The following DOCK10 variants were observed in gnomAD, a reference collection of about 807,000 sequenced individuals.
DOCK10 encodes dedicator of cytokinesis protein 10.
A neutral mutation model predicts 280.1 loss-of-function variants in DOCK10; 145 were observed. The ratio of observed to expected loss-of-function variants is 0.52; its 90% CI spans 0.45 to 0.59. The LOEUF is 0.59. DOCK10 is among the 20% of genes least tolerant of loss of function. The pLI is 0.00. For missense variants in DOCK10, 2,368 were observed against 2,651.7 expected, an observed-to-expected ratio of 0.89 and a Z score of 2.35; for synonymous variants, 915 against 942.2, an observed-to-expected ratio of 0.97 and a Z score of 0.53.
chr2:224,851,445 T>A (rs913470982), intron 18 of DOCK10, among the ~76,000 whole-genome samples: 107 of 129,886 alleles, frequency 8.2e-4, no homozygotes, highest in Non-Finnish European at 1.1e-3. Context: ...GCTCAAGACC[T>A]TCTTTTTTTT....
At chr2:224,850,496 G>A (rs919328520) in intron 18 of DOCK10, among the ~76,000 whole-genome samples, 1 of 152,094 alleles carries the variant, frequency 6.6e-6, no homozygotes, top group South Asian at 2.1e-4. Context: ...CAGTGTTTGC[G>A]GACCTCCCCT....
Position 224,922,301 on chromosome 2 carries a change from G to T in DOCK10, c.244-5517C>A, listed in dbSNP as rs150092683. ...GTAAGGGTTTTAATATGGTTACAAA[G>T]AATTTTTTCTTTTCTGAGAATCAGA... On this transcript the variant is annotated intron_variant, in intron 2 of 55. Transcript: ENST00000258390. 5.9e-3 allele frequency among the ~76,000 whole-genome samples: 898 copies of T among 152,232 alleles called. 14 individuals are homozygous for T. The highest frequency in any genetic ancestry group is 0.02 in the African/African-American group (837 of 41,540).
chr2:224,839,882 T>C (rs536909054), intron 24 of DOCK10, 72 bp downstream of exon 24: 1 of 632,976 alleles, frequency 1.6e-6, no homozygotes, highest in African/African-American at 1.8e-5. Context: ...TAGATGACTG[T>C]TTAGTTATAA....
intron 1 of DOCK10, among the ~76,000 whole-genome samples, chr2:224,958,087 C>A (rs1309647809): frequency 1.3e-5 from 2 of 152,090 alleles, no homozygotes; most frequent in Non-Finnish European, 2.9e-5. Flanking sequence ...TCCTTATCTG[C>A]AAAATAAAGA....
intron 4 of DOCK10, among the ~76,000 whole-genome samples, chr2:224,887,572 T>A (rs1046305037): frequency 7.9e-5 from 12 of 152,164 alleles, no homozygotes; most frequent in Non-Finnish European, 1.8e-4. Context: ...CCATCCAAAG[T>A]ATGGGCATTT....
chr2:224,870,140 T>G (rs140149383), intron 11 of DOCK10, among the ~76,000 whole-genome samples: 1 of 152,158 alleles, frequency 6.6e-6, no homozygotes, highest in East Asian at 1.9e-4. Flanking sequence ...TGAGTTCTCA[T>G]AATATCTGAT....
rs779142721 is a variant in DOCK10, at chr2:224,770,028, C to T, written c.6444+183G>A. Reference sequence around the variant, plus strand: ...CATAATCTTTTTCTACAGAGTTTCCCCCAGCCTGATCTCTGCTTTGGGGCA... The same window carrying T: ...CATAATCTTTTTCTACAGAGTTTCCTCCAGCCTGATCTCTGCTTTGGGGCA... On this transcript the variant is annotated intron_variant, in intron 55 of 55. Transcript: ENST00000258390. The surrounding 1 kb of genome is among the most constrained non-coding windows in gnomAD (Gnocchi z 4.5). Among the ~76,000 whole-genome samples, 1 of 152,180 alleles carries T rather than the reference C, an allele frequency of 6.6e-6. No homozygotes were observed. Among genetic ancestry groups the T allele is most frequent in the Non-Finnish European group, 1.5e-5 (1 of 68,040 alleles).
At chr2:224,929,955 C>T (rs1702242112) in intron 2 of DOCK10, among the ~76,000 whole-genome samples, 1 of 152,078 alleles carries the variant, frequency 6.6e-6, no homozygotes, top group Non-Finnish European at 1.5e-5. Context: ...AATCCCAGCA[C>T]TCTGTGAGGC....
At chr2:225,036,467 A>C (rs1325052424) in intron 1 of DOCK10, among the ~76,000 whole-genome samples, 1 of 152,214 alleles carries the variant, frequency 6.6e-6, no homozygotes, top group Non-Finnish European at 1.5e-5. Context: ...AAGTGTGGCT[A>C]AAGATGTAGG....
chr2:224,793,673 T>C (rs1434815448), intron 45 of DOCK10, among the ~76,000 whole-genome samples: 1 of 152,182 alleles, frequency 6.6e-6, no homozygotes, highest in African/African-American at 2.4e-5. Context: ...CTTGGTTAGT[T>C]TGGAGATGGG....
At position 224,802,029 on chromosome 2, in the gene DOCK10, G is replaced by A. The variant is rs1347814257; in HGVS notation, c.4280C>T (p.Thr1427Ile). 2 of 1,612,374 alleles carry A rather than the reference G, an allele frequency of 1.2e-6. No individual in the cohort carries two copies. Among genetic ancestry groups the A allele is most frequent in the Admixed American group, 1.7e-5 (1 of 59,830 alleles). ...CTGCTTATGGCCTTCATGACTGGAA[G>A]TGGAGTGCATCCTGAAAACAAAAAA... ...SGLLSQWMHS[T>I]SSHEGHKQHR... Residue 1427 changes from threonine (T) to isoleucine (I), a missense_variant, in exon 40 of 56, where the codon ACT becomes ATT. Coordinates refer to ENST00000258390, the MANE Select transcript of DOCK10 (RefSeq NM_014689.3).
At chr2:224,904,691 T>C (rs559099844) in intron 3 of DOCK10, among the ~76,000 whole-genome samples, 3 of 152,206 alleles carry the variant, frequency 2.0e-5, no homozygotes, top group Non-Finnish European at 4.4e-5. Context: ...GACATTCTTA[T>C]ATATGGGCAA....
intron 28 of DOCK10, among the ~76,000 whole-genome samples, chr2:224,820,726 G>T (rs1223208303): frequency 6.6e-6 from 1 of 152,160 alleles, no homozygotes; most frequent in Non-Finnish European, 1.5e-5. Context: ...AAGTAGAGTA[G>T]ATATGAAGGG....
chr2:224,786,482 GA>G lies in DOCK10; in HGVS notation c.5655+539del, dbSNP rs1189318493. Among the ~76,000 whole-genome samples the G allele has an allele frequency of 6.6e-6, 1 of 152,032 alleles. No homozygotes were observed. Among genetic ancestry groups the G allele is most frequent in the Non-Finnish European group, 1.5e-5 (1 of 68,004 alleles). ...CTTCATTGCTTATGCAGCAAACTGG[GA>G]AAAACAACTTTGAAATTACATTGAC... On this transcript the variant is annotated intron_variant, in intron 50 of 55. Transcript: ENST00000258390. This position sits in a 1 kb window ranked among gnomAD's most constrained non-coding sequence, Gnocchi z 4.7.
intron 1 of DOCK10, among the ~76,000 whole-genome samples, chr2:224,950,919 A>G (rs1331144071): frequency 6.6e-6 from 1 of 152,234 alleles, no homozygotes; most frequent in Non-Finnish European, 1.5e-5. Flanking sequence ...AGGGGAAATT[A>G]CGGAGCCATT....
chr2:224,895,041 C>G (rs994140995), intron 4 of DOCK10, among the ~76,000 whole-genome samples: 7 of 152,354 alleles, frequency 4.6e-5, no homozygotes, highest in African/African-American at 1.4e-4. Context: ...CTTCCTGACT[C>G]AAGTGACCAT....
chr2:224,816,764 A>AT, intron 29 of DOCK10, 51 bp from the exon 30 acceptor site: 1 of 1,039,338 alleles, frequency 9.6e-7, no homozygotes, highest in African/African-American at 1.6e-5. Flanking sequence ...AAGAAACTGA[A>AT]TAAAAACAAA....
At chr2:224,957,489 A>G (rs538300661) in intron 1 of DOCK10, among the ~76,000 whole-genome samples, 3 of 151,876 alleles carry the variant, frequency 2.0e-5, no homozygotes, top group Non-Finnish European at 2.9e-5. Context: ...GGGTCTTGCT[A>G]TGTTGCCCAA....
intron 1 of DOCK10, among the ~76,000 whole-genome samples, chr2:225,032,642 G>T (rs1690113384): frequency 6.6e-6 from 1 of 152,096 alleles, no homozygotes; most frequent in Non-Finnish European, 1.5e-5. Flanking sequence ...AAAAAGTTGA[G>T]TTCTAACATC....
Sources: allele counts gnomAD v4.1 joint callset (sites outside exome capture counted in the v4.1 genomes callset), GRCh38; gene constraint gnomAD v4.1.1; non-coding constraint Gnocchi (gnomAD v3.1); transcripts MANE v1.5; gene names NCBI Gene and HGNC (gene_info 2026-07-23, HGNC 2026-07-21).